Variants in PCDHGA6 observed in about 807,000 individuals in gnomAD.
The protein encoded by PCDHGA6 is protocadherin gamma subfamily A, 6, also known as protocadherin gamma-A6.
A neutral mutation model predicts 60.6 loss-of-function variants in PCDHGA6; 41 were observed. That is an observed-to-expected ratio of 0.68 (90% CI 0.53 to 0.88). The LOEUF is 0.88. PCDHGA6 is among the 40% of genes least tolerant of loss of function. The pLI is 0.00. For synonymous variants in PCDHGA6, 594 were observed against 524.4 expected (o/e 1.13, Z -1.81); for missense variants, 1,312 against 1,203.0 (o/e 1.09, Z -1.34).
At chr5:141,421,854 C>T (rs1402137870) in intron 1 of PCDHGA6, 9 of 1,613,644 alleles carry the variant, frequency 5.6e-6, no homozygotes. Flanking sequence ...AGGCTGCTCA[C>T]CTGCTCCTCC....
At position 141,431,387 on chromosome 5, in the gene PCDHGA6, C is replaced by T; in HGVS notation, c.2424+54880C>T. The T allele has an allele frequency of 1.9e-6, 3 of 1,613,938 alleles. 1 individual carries two copies. The South Asian group carries it at 3.3e-5, about 18-fold the overall frequency. Reference sequence around the variant, plus strand: ...CCGCGAAGAAAAGGCTGCTCACCACCTGGTCCTTACGGCCTCCGACGGGGG... The same window carrying T: ...CCGCGAAGAAAAGGCTGCTCACCACTTGGTCCTTACGGCCTCCGACGGGGG... On this transcript the variant is annotated intron_variant, in intron 1 of 3. Coordinates refer to ENST00000517434, the MANE Select transcript of PCDHGA6 (RefSeq NM_018919.3). This position sits in a 1 kb window ranked among gnomAD's most constrained non-coding sequence, Gnocchi z 4.8.
intron 1 of PCDHGA6, among the ~76,000 whole-genome samples, chr5:141,406,069 C>G (rs72790037): frequency 0.11 from 16,670 of 145,514 alleles, 1,088 homozygotes; most frequent in African/African-American, 0.2. Flanking sequence ...AAAATTCTTA[C>G]TCCTTTTTTT....
At chr5:141,481,357 G>A (rs1399668487) in intron 1 of PCDHGA6, among the ~76,000 whole-genome samples, 1 of 152,176 alleles carries the variant, frequency 6.6e-6, no homozygotes, top group Non-Finnish European at 1.5e-5. Context: ...ATCTACAGCT[G>A]TTCAATAGAT....
chr5:141,420,197 A>C (rs760921171), intron 1 of PCDHGA6: 2 of 1,613,630 alleles, frequency 1.2e-6, no homozygotes, highest in South Asian at 2.2e-5. Context: ...CACACAAGAT[A>C]ACCTCAACAA....
chr5:141,379,410 A>T (rs1314256524), intron 1 of PCDHGA6: 1 of 152,226 alleles, frequency 6.6e-6, no homozygotes, highest in African/African-American at 2.4e-5. Context: ...CTTGGATATT[A>T]GTCTCATGAG....
chr5:141,466,344 T>G (rs1036472951), intron 1 of PCDHGA6, among the ~76,000 whole-genome samples: 5 of 152,106 alleles, frequency 3.3e-5, no homozygotes, highest in African/African-American at 4.8e-5. Flanking sequence ...ATAATTTTTT[T>G]GCAGCTAATC....
Position 141,489,857 on chromosome 5 carries a change from C to T in PCDHGA6, c.2425-4950C>T. 2 of 1,614,166 alleles carry T rather than the reference C, an allele frequency of 1.2e-6. No individual in the cohort carries two copies. On this transcript the variant is annotated intron_variant, in intron 1 of 3. Coordinates refer to ENST00000517434, the MANE Select transcript of PCDHGA6 (RefSeq NM_018919.3). This position sits in a 1 kb window ranked among gnomAD's most constrained non-coding sequence, Gnocchi z 4.5. ...CAGCAGCTGGATCGTGAAGCCCAGGCAAGACATCAGCTGGTGCTTACTGCT... is the reference window on the plus strand; with the variant it reads ...CAGCAGCTGGATCGTGAAGCCCAGGTAAGACATCAGCTGGTGCTTACTGCT...
chr5:141,376,676 G>GC (rs1773026765), intron 1 of PCDHGA6, 169 bp downstream of exon 1: 1 of 275,812 alleles, frequency 3.6e-6, no homozygotes, highest in Non-Finnish European at 6.2e-6. Context: ...TGAGGGTATC[G>GC]TTTTTTTTTT....
intron 1 of PCDHGA6, among the ~76,000 whole-genome samples, chr5:141,381,953 C>T (rs1588910432): frequency 1.3e-5 from 2 of 151,114 alleles, no homozygotes; most frequent in South Asian, 2.1e-4. Context: ...CCTCAGCCTC[C>T]TGAGTAGCTG....
chr5:141,404,752 G>C, intron 1 of PCDHGA6: 1 of 1,614,010 alleles, frequency 6.2e-7, no homozygotes, highest in Non-Finnish European at 8.5e-7. Flanking sequence ...ACTCAGGCCA[G>C]AATGCTTGGC....
chr5:141,412,170 A>G (rs1015665615), intron 1 of PCDHGA6: 2 of 152,230 alleles, frequency 1.3e-5, no homozygotes, highest in Non-Finnish European at 1.5e-5. Context: ...GATTATTTAT[A>G]CTGGTATTAA....
At chr5:141,409,405 C>T in intron 1 of PCDHGA6, 1 of 1,614,050 alleles carries the variant, frequency 6.2e-7, no homozygotes, top group Non-Finnish European at 8.5e-7. Context: ...CCAATAACTA[C>T]TACAAACTGG....
At chr5:141,408,850 C>T (rs2095179070) in intron 1 of PCDHGA6, 2 of 1,613,554 alleles carry the variant, frequency 1.2e-6, no homozygotes, top group South Asian at 1.1e-5. Context: ...CTGCCTTGGA[C>T]GGAGGGGACC....
intron 1 of PCDHGA6, chr5:141,403,769 A>G (rs2094453064): frequency 6.2e-7 from 1 of 1,613,948 alleles, no homozygotes; most frequent in Non-Finnish European, 8.5e-7. Context: ...GGATGAGGGA[A>G]TCAACGGAAA....
Position 141,375,441 on chromosome 5 carries a change from C to G in PCDHGA6, c.1358C>G (p.Pro453Arg), listed in dbSNP as rs904228732. 1 of 1,614,030 alleles carries G rather than the reference C, an allele frequency of 6.2e-7. No homozygotes were observed. ...ADTNDNPPTF[P>R]HSSYSVYVLE... Reference sequence around the variant, plus strand: ...ACCAACGACAACCCGCCCACCTTCCCCCATTCATCCTACTCAGTCTATGTC... The same window carrying G: ...ACCAACGACAACCCGCCCACCTTCCGCCATTCATCCTACTCAGTCTATGTC... The change falls in exon 1 of 4, where the codon CCC becomes CGC. Residue 453 changes from proline (P) to arginine (R), a missense_variant. By Grantham distance (103) the Pro-to-Arg change is moderately radical. Coordinates refer to ENST00000517434, the MANE Select transcript of PCDHGA6 (RefSeq NM_018919.3).
chr5:141,404,995 T>G (rs1561697585), intron 1 of PCDHGA6: 1 of 1,614,008 alleles, frequency 6.2e-7, no homozygotes, highest in Non-Finnish European at 8.5e-7. Flanking sequence ...TTCAGATCCC[T>G]GCAGACCTGG....
At chr5:141,409,034 AACT>A in intron 1 of PCDHGA6, 6 of 1,613,992 alleles carry the variant, frequency 3.7e-6, no homozygotes, top group Non-Finnish European at 4.2e-6. Flanking sequence ...TGCTGAGATA[AACT>A]ACTACTTCCG....
At chr5:141,406,072 CTTT>C (rs530474569) in intron 1 of PCDHGA6, among the ~76,000 whole-genome samples, 2 of 141,478 alleles carry the variant, frequency 1.4e-5, no homozygotes. Context: ...ATTCTTACTC[CTTT>C]TTTTTTTTTT....
chr5:141,430,639 A>C, intron 1 of PCDHGA6: 6 of 900,712 alleles, frequency 6.7e-6, no homozygotes, highest in Non-Finnish European at 9.7e-6. Context: ...CATCCCTGGG[A>C]GTATGTGGAA....
Sources: allele counts gnomAD v4.1 joint callset (sites outside exome capture counted in the v4.1 genomes callset), GRCh38; gene constraint gnomAD v4.1.1; non-coding constraint Gnocchi (gnomAD v3.1); transcripts MANE v1.5; gene names NCBI Gene and HGNC (gene_info 2026-07-23, HGNC 2026-07-21).